The following WDPCP variants were observed in gnomAD, a reference collection of about 807,000 sequenced individuals.
The protein encoded by WDPCP is WD repeat-containing and planar cell polarity effector protein fritz homolog.
In WDPCP, 71 loss-of-function variants were observed where a neutral mutation model predicts 93.1. The observed-to-expected ratio is 0.76, with a 90% CI of 0.63 to 0.93. The LOEUF is 0.93. Among genes scored for constraint, WDPCP ranks in the 40% least tolerant of loss-of-function variants. WDPCP has a pLI of 0.00. For synonymous variants in WDPCP, 315 were observed against 315.0 expected, an observed-to-expected ratio of 1.00 and a Z score of 0.00; for missense variants, 844 against 887.4, an observed-to-expected ratio of 0.95 and a Z score of 0.62.
chr2:63,790,026 T>C (rs565524101), intron 2 of WDPCP, among the ~76,000 whole-genome samples: 4 of 152,344 alleles, frequency 2.6e-5, no homozygotes, highest in African/African-American at 4.8e-5. Flanking sequence ...AACCTCAAAA[T>C]TTCTAGATTG....
chr2:63,394,311 A>C (rs1268628323), intron 10 of WDPCP, among the ~76,000 whole-genome samples: 1 of 152,140 alleles, frequency 6.6e-6, no homozygotes, highest in East Asian at 1.9e-4. Flanking sequence ...TTATCAGAGA[A>C]ATGCAAATCA....
At chr2:63,267,494 A>G (rs930823017) in intron 13 of WDPCP, among the ~76,000 whole-genome samples, 1 of 152,224 alleles carries the variant, frequency 6.6e-6, no homozygotes, top group Non-Finnish European at 1.5e-5. Flanking sequence ...TGAGACTGCA[A>G]TGAATGAAAA....
At chr2:63,744,912 A>G (rs1431184781) in intron 2 of WDPCP, among the ~76,000 whole-genome samples, 1 of 152,138 alleles carries the variant, frequency 6.6e-6, no homozygotes, top group Non-Finnish European at 1.5e-5. Context: ...TTAAATATAT[A>G]CCCACTTATT....
chr2:63,639,198 T>C (rs1709953701), intron 3 of WDPCP, among the ~76,000 whole-genome samples: 1 of 152,130 alleles, frequency 6.6e-6, no homozygotes, highest in South Asian at 2.1e-4. Context: ...GTTGCACCAC[T>C]GCACTCCAGC....
intron 2 of WDPCP, among the ~76,000 whole-genome samples, chr2:63,700,423 A>G (rs1318883582): frequency 6.6e-6 from 1 of 152,124 alleles, no homozygotes; most frequent in African/African-American, 2.4e-5. Context: ...TCCAAGGAAA[A>G]ATCAAGTGAG....
intron 12 of WDPCP, among the ~76,000 whole-genome samples, chr2:63,366,079 A>G (rs1165555710): frequency 6.6e-6 from 1 of 152,154 alleles, no homozygotes; most frequent in East Asian, 1.9e-4. Context: ...TAAAAGTACG[A>G]GGAAATCTCA....
intron 13 of WDPCP, among the ~76,000 whole-genome samples, chr2:63,309,299 A>T (rs140328323): frequency 6.6e-6 from 1 of 152,228 alleles, no homozygotes; most frequent in Non-Finnish European, 1.5e-5. Flanking sequence ...ATTTAAATAC[A>T]GCAAGAAAAA....
intron 2 of WDPCP, among the ~76,000 whole-genome samples, chr2:63,808,802 C>T (rs929873201): frequency 2.0e-5 from 3 of 151,880 alleles, no homozygotes; most frequent in Non-Finnish European, 4.4e-5. Flanking sequence ...CCTGGCCGCC[C>T]ATCGTCTGGG....
intron 1 of WDPCP, among the ~76,000 whole-genome samples, chr2:63,513,006 C>T (rs1358039509): frequency 6.6e-6 from 1 of 151,904 alleles, no homozygotes; most frequent in Non-Finnish European, 1.5e-5. Context: ...ATCTGTGTCT[C>T]ATGAGGAAGA....
At chr2:63,377,912 A>G (rs1000659275) in intron 12 of WDPCP, 4 of 155,900 alleles carry the variant, frequency 2.6e-5, no homozygotes, top group African/African-American at 9.7e-5. Flanking sequence ...AATTTATTAT[A>G]CCCATTTAAA....
intron 13 of WDPCP, among the ~76,000 whole-genome samples, chr2:63,266,149 C>A (rs1467569760): frequency 6.6e-6 from 1 of 152,142 alleles, no homozygotes; most frequent in African/African-American, 2.4e-5. Flanking sequence ...ACTGGAAATC[C>A]TAGCCAGTGC....
At chr2:63,688,624 G>C (rs1331220649) in intron 2 of WDPCP, among the ~76,000 whole-genome samples, 1 of 152,106 alleles carries the variant, frequency 6.6e-6, no homozygotes, top group Admixed American at 6.5e-5. Flanking sequence ...ATAACTAAAA[G>C]AGTGTAATTG....
At chr2:63,763,202 C>T (rs546929575) in intron 2 of WDPCP, among the ~76,000 whole-genome samples, 6 of 152,164 alleles carry the variant, frequency 3.9e-5, no homozygotes, top group African/African-American at 1.4e-4. Flanking sequence ...ACAGAAAGTA[C>T]AAAAAGGTAT....
chr2:63,391,329 C>A (rs905667781), intron 10 of WDPCP, among the ~76,000 whole-genome samples: 3 of 152,098 alleles, frequency 2.0e-5, no homozygotes, highest in Admixed American at 1.3e-4. Context: ...AGGCCTTCAA[C>A]AAAATTCAAC....
rs186897104 is a variant in WDPCP, at chr2:63,581,283, G to A, written c.75+6914C>T. Among the ~76,000 whole-genome samples the A allele has an allele frequency of 1.1e-4, 17 of 152,290 alleles. No individual in the cohort carries two copies. In the East Asian group the frequency reaches 3.1e-3, roughly 28 times the overall value. ...GTTGAGCAGACAGAACTGAAAAACT[G>A]GAGAAGACAAGGTAGTTAGTTCCCT... On this transcript the variant is annotated intron_variant, in intron 1 of 17. Coordinates refer to ENST00000272321, the MANE Select transcript of WDPCP (RefSeq NM_015910.7).
At chr2:63,532,436 A>T (rs1272720702) in intron 1 of WDPCP, among the ~76,000 whole-genome samples, 1 of 152,146 alleles carries the variant, frequency 6.6e-6, no homozygotes, top group Non-Finnish European at 1.5e-5. Flanking sequence ...GAAATGAAGG[A>T]ATATGTTAAG....
At chr2:63,588,482 C>A, upstream of WDPCP, 2 of 651,468 alleles carry the variant, frequency 3.1e-6, no homozygotes, top group Non-Finnish European at 5.5e-6. Flanking sequence ...CTTATCAATT[C>A]CCCCGCCCCT....
chr2:63,456,075 T>C (rs1468053216), intron 6 of WDPCP, among the ~76,000 whole-genome samples: 2 of 152,040 alleles, frequency 1.3e-5, no homozygotes, highest in Non-Finnish European at 2.9e-5. Flanking sequence ...TAAACAACCA[T>C]TGGATCAATA....
intron 2 of WDPCP, among the ~76,000 whole-genome samples, chr2:63,776,484 A>C (rs896057123): frequency 6.6e-6 from 1 of 151,818 alleles, no homozygotes; most frequent in East Asian, 1.9e-4. Flanking sequence ...GTAAAACCCC[A>C]TATCTACAAA....
Sources: allele counts gnomAD v4.1 joint callset (sites outside exome capture counted in the v4.1 genomes callset), GRCh38; gene constraint gnomAD v4.1.1; transcripts MANE v1.5; gene names NCBI Gene and HGNC (gene_info 2026-07-23, HGNC 2026-07-21).